Variants in MPPED1 observed in about 807,000 individuals in gnomAD.
MPPED1 encodes metallophosphoesterase domain-containing protein 1.
A neutral mutation model predicts 36.2 loss-of-function variants in MPPED1; 16 were observed. That is an observed-to-expected ratio of 0.44 (90% CI 0.30 to 0.67). The LOEUF (loss-of-function observed/expected upper bound fraction) is 0.67. Ranked by LOEUF, MPPED1 falls within the 30% of genes least tolerant of loss-of-function variation. The probability of loss-of-function intolerance (pLI) is 0.10; values close to 1 mark genes in which losing one functional copy is unlikely to be tolerated. For synonymous variants in MPPED1, 199 were observed against 191.3 expected (o/e 1.04, Z -0.33); for missense variants, 307 against 453.4 (o/e 0.68, Z 2.93).
intron 4 of MPPED1, among the ~76,000 whole-genome samples, chr22:43,479,147 G>A (rs981240419): frequency 2.6e-5 from 4 of 152,174 alleles, no homozygotes; most frequent in African/African-American, 9.6e-5. Flanking sequence ...CCGGCCACCC[G>A]GGCATATGGC....
intron 3 of MPPED1, among the ~76,000 whole-genome samples, chr22:43,458,410 C>T (rs1054242487): frequency 6.6e-6 from 1 of 152,042 alleles, no homozygotes; most frequent in Middle Eastern, 3.2e-3. Context: ...CTCAGCCTCC[C>T]AAGTAGCTGG....
chr22:43,434,949 C>T, intron 2 of MPPED1, 85 bp from the exon 3 acceptor site: 1 of 1,400,950 alleles, frequency 7.1e-7, no homozygotes, highest in Non-Finnish European at 9.9e-7. Context: ...GGGCTGTGAG[C>T]TGTGGTGGAT....
rs765756895 is a variant in MPPED1, at chr22:43,502,264, C to G, written c.749-380C>G. 6.6e-6 allele frequency among the ~76,000 whole-genome samples: 1 copy of G among 152,154 alleles called. No homozygotes were observed. The highest frequency in any genetic ancestry group is 2.1e-4 in the South Asian group (1 of 4,828). ...GTGCCTGCCCTTGGGACTCACCCGTCCCTCTCTGGCCTCCGTTTGCTGATC... is the reference window on the plus strand; with the variant it reads ...GTGCCTGCCCTTGGGACTCACCCGTGCCTCTCTGGCCTCCGTTTGCTGATC... On this transcript the variant is annotated intron_variant, in intron 5 of 6. Transcript: ENST00000443721. The surrounding 1 kb of genome is among the most constrained non-coding windows in gnomAD (Gnocchi z 5.5).
intron 3 of MPPED1, among the ~76,000 whole-genome samples, chr22:43,446,093 A>C (rs922574568): frequency 6.7e-6 from 1 of 148,764 alleles, no homozygotes; most frequent in African/African-American, 2.5e-5. Context: ...CTGGTCTCGA[A>C]CTCCTGGGCT....
intron 5 of MPPED1, 128 bp downstream of exon 5, chr22:43,498,478 C>G (rs1932503409): frequency 1.6e-6 from 1 of 642,338 alleles, no homozygotes; most frequent in South Asian, 2.1e-5. Flanking sequence ...TGCTGGGGCA[C>G]TGAGGACACG....
intron 4 of MPPED1, among the ~76,000 whole-genome samples, chr22:43,475,497 G>A (rs1457914937): frequency 1.4e-5 from 2 of 142,774 alleles, no homozygotes; most frequent in South Asian, 2.4e-4. Flanking sequence ...GATGATGGTG[G>A]TGATGATCAT....
intron 1 of MPPED1, among the ~76,000 whole-genome samples, chr22:43,416,003 A>T (rs1009723109): frequency 6.6e-6 from 1 of 152,230 alleles, no homozygotes; most frequent in South Asian, 2.1e-4. Context: ...TTTTCCGGAC[A>T]GTGCTGCAGT....
At chr22:43,425,847 C>G (rs905488076) in intron 2 of MPPED1, among the ~76,000 whole-genome samples, 1 of 152,238 alleles carries the variant, frequency 6.6e-6, no homozygotes, top group Non-Finnish European at 1.5e-5. Context: ...TGGGGGTGCT[C>G]AAGCAGTGAG....
chr22:43,464,659 A>G (rs990338698), intron 3 of MPPED1, among the ~76,000 whole-genome samples: 1 of 152,104 alleles, frequency 6.6e-6, no homozygotes, highest in African/African-American at 2.4e-5. Flanking sequence ...CCTGCTTCTC[A>G]TACAGGTTCT....
At chr22:43,443,686 A>G (rs1225019086) in intron 3 of MPPED1, among the ~76,000 whole-genome samples, 1 of 151,872 alleles carries the variant, frequency 6.6e-6, no homozygotes, top group Non-Finnish European at 1.5e-5. Flanking sequence ...AGTCCAACCA[A>G]CTTTTTTTTT....
At chr22:43,451,710 C>T (rs368609634) in intron 3 of MPPED1, among the ~76,000 whole-genome samples, 71 of 152,348 alleles carry the variant, frequency 4.7e-4, no homozygotes, top group African/African-American at 1.5e-3. Flanking sequence ...AACCATGCGC[C>T]GCACCCCCTT....
At chr22:43,489,731 C>A (rs978634812) in intron 4 of MPPED1, among the ~76,000 whole-genome samples, 3 of 152,120 alleles carry the variant, frequency 2.0e-5, no homozygotes, top group Non-Finnish European at 4.4e-5. Context: ...ACTGGCCAGG[C>A]TGGTGTCGAA....
intron 1 of MPPED1, among the ~76,000 whole-genome samples, chr22:43,420,746 C>T (rs1011105604): frequency 7.9e-5 from 12 of 152,206 alleles, no homozygotes; most frequent in Non-Finnish European, 1.3e-4. Context: ...AACCATCACC[C>T]TGTTCTGTCT....
chr22:43,497,935 G>GTGTATATATATA (rs1555904573), intron 4 of MPPED1, among the ~76,000 whole-genome samples: 5 of 128,376 alleles, frequency 3.9e-5, no homozygotes, highest in African/African-American at 1.0e-4. Flanking sequence ...ATATGTATAT[G>GTGTATATATATA]TATATATATA....
Position 43,502,434 on chromosome 22 carries a change from G to C in MPPED1, c.749-210G>C, listed in dbSNP as rs1349876985. Among the ~76,000 whole-genome samples, 4 of 152,312 alleles carry C rather than the reference G, an allele frequency of 2.6e-5. No individual in the cohort carries two copies. Among genetic ancestry groups the C allele is most frequent in the African/African-American group, 9.6e-5 (4 of 41,576 alleles). ...CCCTCAGTGCAGCCCTATGGAGGAGGAGGGTGAGGCTGCAAGGTCCTGAAT... is the reference window on the plus strand; with the variant it reads ...CCCTCAGTGCAGCCCTATGGAGGAGCAGGGTGAGGCTGCAAGGTCCTGAAT... On this transcript the variant is annotated intron_variant, in intron 5 of 6. Transcript: ENST00000443721. This position sits in a 1 kb window ranked among gnomAD's most constrained non-coding sequence, Gnocchi z 5.5.
intron 3 of MPPED1, among the ~76,000 whole-genome samples, chr22:43,436,561 G>A (rs749880698): frequency 3.9e-5 from 6 of 152,268 alleles, no homozygotes; most frequent in Non-Finnish European, 7.3e-5. Context: ...AGTGCAGGCC[G>A]GGGGACAGGG....
chr22:43,448,566 CT>C (rs1930444548), intron 3 of MPPED1, among the ~76,000 whole-genome samples: 1 of 147,980 alleles, frequency 6.8e-6, no homozygotes, highest in African/African-American at 2.5e-5. Context: ...GGTCTAGGCT[CT>C]TTTAAAATCT....
chr22:43,419,991 GC>G (rs1929207894), intron 1 of MPPED1, among the ~76,000 whole-genome samples: 1 of 152,126 alleles, frequency 6.6e-6, no homozygotes, highest in African/African-American at 2.4e-5. Context: ...GGAAAAGCAA[GC>G]CCTTAGAACC....
chr22:43,451,717 C>T (rs979832975), intron 3 of MPPED1, among the ~76,000 whole-genome samples: 1 of 152,242 alleles, frequency 6.6e-6, no homozygotes, highest in African/African-American at 2.4e-5. Context: ...CGCCGCACCC[C>T]CTTAAAACTC....
Sources: allele counts gnomAD v4.1 joint callset (sites outside exome capture counted in the v4.1 genomes callset), GRCh38; gene constraint gnomAD v4.1.1; non-coding constraint Gnocchi (gnomAD v3.1); transcripts MANE v1.5; gene names NCBI Gene and HGNC (gene_info 2026-07-23, HGNC 2026-07-21).